ZC3H12B: variants seen among roughly 807,000 people sequenced by gnomAD.
ZC3H12B encodes probable ribonuclease ZC3H12B.
ZC3H12B carries 7 observed loss-of-function variants against 43.9 expected under a neutral mutation model. That is an observed-to-expected ratio of 0.16 (90% CI 0.09 to 0.30). The LOEUF is 0.30. Ranked by LOEUF, ZC3H12B falls within the 10% of genes least tolerant of loss-of-function variation. ZC3H12B has a pLI of 1.00. For synonymous variants in ZC3H12B, 222 were observed against 241.7 expected, an observed-to-expected ratio of 0.92 and a Z score of 0.76; for missense variants, 475 against 670.2, an observed-to-expected ratio of 0.71 and a Z score of 3.22.
At chrX:65,395,467 T>C (rs762026047) in intron 2 of ZC3H12B, among the ~76,000 whole-genome samples, 2 of 112,547 alleles carry the variant, frequency 1.8e-5, no homozygotes, top group African/African-American at 6.5e-5. Flanking sequence ...GAGATAATTA[T>C]GTGGTTTTTG....
intron 3 of ZC3H12B, among the ~76,000 whole-genome samples, chrX:65,418,929 G>A (rs2066989373): frequency 9.0e-6 from 1 of 111,704 alleles, no homozygotes; most frequent in Non-Finnish European, 1.9e-5. Context: ...GGGTAACTGT[G>A]CAACATAGAA....
intron 2 of ZC3H12B, among the ~76,000 whole-genome samples, chrX:65,369,209 C>T (rs749940586): frequency 1.0e-3 from 112 of 111,397 alleles, no homozygotes; most frequent in African/African-American, 3.6e-3. Flanking sequence ...AATATGTAGG[C>T]TTTTGGAATT....
chrX:65,081,830 A>G, the ZC3H12B span, among the ~76,000 whole-genome samples: 1 of 112,102 alleles, frequency 8.9e-6, no homozygotes, highest in Non-Finnish European at 1.9e-5. Flanking sequence ...CAGAATACAC[A>G]TTCTTTTTCT....
At chrX:65,491,190 G>C (rs546078838) in intron 1 of ZC3H12B, among the ~76,000 whole-genome samples, 1 of 111,852 alleles carries the variant, frequency 8.9e-6, no homozygotes, top group East Asian at 2.8e-4. Context: ...TATGAATACT[G>C]ATTCTGTGCC....
At chrX:65,382,869 T>G (rs896061359) in intron 2 of ZC3H12B, among the ~76,000 whole-genome samples, 5 of 110,870 alleles carry the variant, frequency 4.5e-5, no homozygotes, top group African/African-American at 9.9e-5. Context: ...TCCAAGAGAA[T>G]AAAATACCTA....
chrX:65,314,082 T>C, the ZC3H12B span, among the ~76,000 whole-genome samples: 1 of 111,184 alleles, frequency 9.0e-6, no homozygotes, highest in Non-Finnish European at 1.9e-5. Flanking sequence ...GGAACTACCT[T>C]GGATTTTGAA....
At chrX:65,221,793 G>C in the ZC3H12B span, among the ~76,000 whole-genome samples, 1 of 110,366 alleles carries the variant, frequency 9.1e-6, no homozygotes, top group Non-Finnish European at 1.9e-5. Flanking sequence ...AAGTCCTGTT[G>C]ACAATATTCC....
At chrX:65,228,598 C>T in the ZC3H12B span, among the ~76,000 whole-genome samples, 1 of 111,442 alleles carries the variant, frequency 9.0e-6, no homozygotes, top group African/African-American at 3.3e-5. Flanking sequence ...CAAATTGTCC[C>T]TGTTTGCAGA....
chrX:65,041,772 GTT>G, the ZC3H12B span, among the ~76,000 whole-genome samples: 1 of 111,918 alleles, frequency 8.9e-6, no homozygotes, highest in East Asian at 2.8e-4. Flanking sequence ...TTCTTCCCCA[GTT>G]CTGAAATAAT....
At chrX:65,297,078 A>C in the ZC3H12B span, among the ~76,000 whole-genome samples, 2 of 111,610 alleles carry the variant, frequency 1.8e-5, no homozygotes, top group African/African-American at 6.5e-5. Context: ...ATTCCACCTG[A>C]GAACTGGAAC....
At chrX:65,218,193 A>C in the ZC3H12B span, among the ~76,000 whole-genome samples, 12 of 112,482 alleles carry the variant, frequency 1.1e-4, no homozygotes, top group East Asian at 3.4e-3. Context: ...AGTGGCAGAT[A>C]AGAGGCAGGG....
chrX:65,201,639 CCTCTCTCTCT>C, the ZC3H12B span, among the ~76,000 whole-genome samples: 9,423 of 64,500 alleles, frequency 0.15, 1,824 homozygotes, highest in African/African-American at 0.48. Context: ...TGAAAGATCA[CCTCTCTCTCT>C]CTCTCTCTCT....
chrX:65,103,774 A>G, the ZC3H12B span, among the ~76,000 whole-genome samples: 1 of 111,912 alleles, frequency 8.9e-6, no homozygotes, highest in African/African-American at 3.2e-5. Flanking sequence ...AAGAGAGGAC[A>G]CAAACAAATG....
intron 3 of ZC3H12B, among the ~76,000 whole-genome samples, chrX:65,431,113 C>A (rs747771969): frequency 9.8e-5 from 11 of 112,507 alleles, no homozygotes; most frequent in Non-Finnish European, 1.9e-4. Context: ...TAAGCATGAG[C>A]TTATTACCTA....
intron 2 of ZC3H12B, among the ~76,000 whole-genome samples, chrX:65,383,754 C>G (rs775013371): frequency 9.0e-6 from 1 of 111,130 alleles, no homozygotes; most frequent in African/African-American, 3.3e-5. Context: ...AACAAATTTA[C>G]AAGAAAAAAA....
intron 3 of ZC3H12B, among the ~76,000 whole-genome samples, chrX:65,435,684 AG>A (rs1268842676): frequency 9.0e-4 from 100 of 111,244 alleles, no homozygotes; most frequent in Non-Finnish European, 1.7e-3. Context: ...ATAGATAGAT[AG>A]ATAGATAGAT....
the ZC3H12B span, among the ~76,000 whole-genome samples, chrX:65,244,714 A>T: frequency 1.0e-5 from 1 of 98,258 alleles, no homozygotes; most frequent in Admixed American, 1.1e-4. Flanking sequence ...TCTGTGACAG[A>T]ACAATACCTT....
intron 3 of ZC3H12B, among the ~76,000 whole-genome samples, chrX:65,440,441 C>A (rs189579057): frequency 8.9e-6 from 1 of 112,237 alleles, no homozygotes; most frequent in Non-Finnish European, 1.9e-5. Flanking sequence ...GCAGTGAATA[C>A]CTCAATTACA....
At chrX:65,139,655 T>C in the ZC3H12B span, among the ~76,000 whole-genome samples, 5 of 111,743 alleles carry the variant, frequency 4.5e-5, no homozygotes, top group African/African-American at 6.5e-5. Flanking sequence ...TTACATTGAA[T>C]ATATAGATTG....
Sources: allele counts gnomAD v4.1 joint callset (sites outside exome capture counted in the v4.1 genomes callset), GRCh38; gene constraint gnomAD v4.1.1; transcripts MANE v1.5; gene names NCBI Gene and HGNC (gene_info 2026-07-23, HGNC 2026-07-21).